The following ZNF565 variants were observed in gnomAD, a reference collection of about 807,000 sequenced individuals.
ZNF565 encodes zinc finger protein 565.
ZNF565 carries 27 observed loss-of-function variants against 39.4 expected under a neutral mutation model. That is an observed-to-expected ratio of 0.69 (90% CI 0.51 to 0.95). The LOEUF (loss-of-function observed/expected upper bound fraction) is 0.95. ZNF565 is among the 40% of genes least tolerant of loss of function. The probability of loss-of-function intolerance (pLI) is 0.00; values close to 1 mark genes in which losing one functional copy is unlikely to be tolerated. For synonymous variants in ZNF565, 185 were observed against 216.6 expected (o/e 0.85, Z 1.28); for missense variants, 524 against 621.1 (o/e 0.84, Z 1.66).
At chr19:36,231,665 C>G (rs1485793575) in intron 1 of ZNF565, among the ~76,000 whole-genome samples, 2 of 152,204 alleles carry the variant, frequency 1.3e-5, no homozygotes, top group South Asian at 4.1e-4. Flanking sequence ...AAATTTTCAT[C>G]CTATTATTTT....
chr19:36,239,199 T>C (rs1977754002), intron 1 of ZNF565, among the ~76,000 whole-genome samples: 1 of 152,206 alleles, frequency 6.6e-6, no homozygotes, highest in Admixed American at 6.6e-5. Context: ...ACTTTTTCTT[T>C]GTTCATACAT....
chr19:36,185,614 A>G (rs1274418927), intron 4 of ZNF565, among the ~76,000 whole-genome samples: 3 of 151,498 alleles, frequency 2.0e-5, no homozygotes, highest in African/African-American at 7.3e-5. Context: ...GGCCTTTTCC[A>G]TCTCAGATCT....
intron 1 of ZNF565, among the ~76,000 whole-genome samples, chr19:36,241,669 A>G (rs1403862399): frequency 6.8e-6 from 1 of 148,032 alleles, no homozygotes; most frequent in African/African-American, 2.5e-5. Context: ...GTGGACACCT[A>G]TCATCCCAGT....
At chr19:36,210,349 G>A (rs1436011769) in intron 1 of ZNF565, among the ~76,000 whole-genome samples, 1 of 149,148 alleles carries the variant, frequency 6.7e-6, no homozygotes. Context: ...GCTTGAACCT[G>A]GGAGGTGGAG....
At chr19:36,202,373 C>T (rs1465359385) in intron 1 of ZNF565, among the ~76,000 whole-genome samples, 4 of 145,900 alleles carry the variant, frequency 2.7e-5, no homozygotes, top group Non-Finnish European at 6.0e-5. Context: ...TCTCAAAACA[C>T]ACAAACAAAA....
intron 1 of ZNF565, among the ~76,000 whole-genome samples, chr19:36,230,692 G>C (rs1685764312): frequency 6.6e-6 from 1 of 152,126 alleles, no homozygotes; most frequent in Non-Finnish European, 1.5e-5. Flanking sequence ...GGAAGAGAGA[G>C]GGCAAAAGGG....
chr19:36,237,032 T>A, intron 1 of ZNF565: 3 of 1,614,182 alleles, frequency 1.9e-6, no homozygotes, highest in Non-Finnish European at 2.5e-6. Flanking sequence ...TCAGCGAACA[T>A]CACTTATTGT....
At chr19:36,230,052 G>C (rs1018387044) in intron 1 of ZNF565, among the ~76,000 whole-genome samples, 2 of 152,152 alleles carry the variant, frequency 1.3e-5, no homozygotes, top group Non-Finnish European at 1.5e-5. Flanking sequence ...CTACTAATGG[G>C]CATTTAGGTT....
At chr19:36,235,549 G>A (rs1306918997) in intron 1 of ZNF565, 1 of 152,168 alleles carries the variant, frequency 6.6e-6, no homozygotes, top group Non-Finnish European at 1.5e-5. Flanking sequence ...ACAAATAAAA[G>A]TGATAGTAAT....
At chr19:36,187,738 A>G (rs1311386797) in intron 4 of ZNF565, among the ~76,000 whole-genome samples, 1 of 146,808 alleles carries the variant, frequency 6.8e-6, no homozygotes, top group Non-Finnish European at 1.5e-5. Context: ...CCCAGGTTCA[A>G]GTGATTCTCC....
chr19:36,216,106 C>G (rs1011747671), upstream of ZNF565, among the ~76,000 whole-genome samples: 18 of 152,130 alleles, frequency 1.2e-4, no homozygotes, highest in Admixed American at 4.6e-4. Context: ...AATTGGGTAC[C>G]AAGTTAATAT....
chr19:36,232,083 G>A (rs1490051940), intron 1 of ZNF565, among the ~76,000 whole-genome samples: 2 of 151,318 alleles, frequency 1.3e-5, no homozygotes, highest in African/African-American at 2.4e-5. Context: ...CACACCTATC[G>A]TCCCAGCTAC....
intron 2 of ZNF565, among the ~76,000 whole-genome samples, chr19:36,196,088 C>T (rs994622545): frequency 1.4e-4 from 22 of 151,778 alleles, no homozygotes; most frequent in Admixed American, 6.6e-5. Flanking sequence ...AGGTGTGCGC[C>T]GCCACACTTG....
At chr19:36,185,418 A>C (rs1374684129) in intron 4 of ZNF565, among the ~76,000 whole-genome samples, 3 of 151,256 alleles carry the variant, frequency 2.0e-5, no homozygotes, top group Non-Finnish European at 4.4e-5. Context: ...TGTCTCAAAA[A>C]AAAAAAAAAA....
At chr19:36,190,096 T>C (rs994459485) in intron 4 of ZNF565, among the ~76,000 whole-genome samples, 2 of 152,120 alleles carry the variant, frequency 1.3e-5, no homozygotes, top group East Asian at 3.9e-4. Flanking sequence ...TCTCCCAAAG[T>C]GCTGGGATTA....
upstream of ZNF565, among the ~76,000 whole-genome samples, chr19:36,216,176 CTA>C (rs770911856): frequency 6.6e-6 from 1 of 152,022 alleles, no homozygotes; most frequent in Non-Finnish European, 1.5e-5. Context: ...TTGAAGAAAA[CTA>C]ATATTTACAA....
intron 4 of ZNF565, among the ~76,000 whole-genome samples, chr19:36,189,637 AT>A (rs2145309418): frequency 6.6e-6 from 1 of 152,116 alleles, no homozygotes; most frequent in East Asian, 1.9e-4. Context: ...TGTAATGTAT[AT>A]TTTATCACAA....
intron 1 of ZNF565, among the ~76,000 whole-genome samples, chr19:36,244,819 C>A (rs1446258319): frequency 6.8e-6 from 1 of 147,980 alleles, no homozygotes; most frequent in Non-Finnish European, 1.5e-5. Flanking sequence ...CCACTGCCCT[C>A]CAGCCTGGCG....
At chr19:36,213,632 C>T (rs185069052) in intron 1 of ZNF565, among the ~76,000 whole-genome samples, 55 of 151,970 alleles carry the variant, frequency 3.6e-4, no homozygotes, top group African/African-American at 1.3e-3. Flanking sequence ...GTGATCCACC[C>T]GCCTCGGCCT....
Sources: allele counts gnomAD v4.1 joint callset (sites outside exome capture counted in the v4.1 genomes callset), GRCh38; gene constraint gnomAD v4.1.1; transcripts MANE v1.5; gene names NCBI Gene and HGNC (gene_info 2026-07-23, HGNC 2026-07-21).